Variants in AGMO observed in about 807,000 individuals in gnomAD.
The protein encoded by AGMO is glyceryl-ether monooxygenase.
A neutral mutation model predicts 60.2 loss-of-function variants in AGMO; 75 were observed. That is an observed-to-expected ratio of 1.25 (90% CI 1.03 to 1.51). The LOEUF (loss-of-function observed/expected upper bound fraction) is 1.51, where lower values mean the gene tolerates loss of function less well. Ranked by LOEUF, AGMO falls within the 40% of genes most tolerant of loss-of-function variation. The pLI is 0.00. For synonymous variants in AGMO, 261 were observed against 177.1 expected, an observed-to-expected ratio of 1.47 and a Z score of -3.76; for missense variants, 763 against 525.5, an observed-to-expected ratio of 1.45 and a Z score of -4.42.
intron 12 of AGMO, among the ~76,000 whole-genome samples, chr7:15,274,694 G>GC (rs953017486): frequency 7.0e-6 from 1 of 143,460 alleles, no homozygotes; most frequent in African/African-American, 2.6e-5. Flanking sequence ...CTGGTGATGG[G>GC]CTTTTTTTTT....
At chr7:15,279,389 C>T (rs972917907) in intron 12 of AGMO, among the ~76,000 whole-genome samples, 3 of 152,272 alleles carry the variant, frequency 2.0e-5, no homozygotes, top group Non-Finnish European at 2.9e-5. Flanking sequence ...CATTTACTTG[C>T]TATTTTGATT....
intron 12 of AGMO, among the ~76,000 whole-genome samples, chr7:15,355,136 A>G (rs1434353698): frequency 6.6e-6 from 1 of 152,150 alleles, no homozygotes; most frequent in South Asian, 2.1e-4. Flanking sequence ...AAATGTGAGT[A>G]TCCTCCCCTA....
At chr7:15,446,156 G>C (rs1207023482) in intron 3 of AGMO, among the ~76,000 whole-genome samples, 1 of 152,170 alleles carries the variant, frequency 6.6e-6, no homozygotes, top group Non-Finnish European at 1.5e-5. Context: ...ATGTAGAACA[G>C]TCAAATAACA....
At position 15,377,360 on chromosome 7, in the gene AGMO, T is replaced by C. The variant is rs561416128; in HGVS notation, c.1074+8086A>G. On this transcript the variant is annotated intron_variant, in intron 10 of 12. Coordinates refer to ENST00000342526, the MANE Select transcript of AGMO (RefSeq NM_001004320.2). Reference sequence around the variant, plus strand: ...AACACTTGATATTTCTCTTCGTCAATATATCTACATGAGTTTCTCATATAT... The same window carrying C: ...AACACTTGATATTTCTCTTCGTCAACATATCTACATGAGTTTCTCATATAT... Among the ~76,000 whole-genome samples, 160 of 151,956 alleles carry C rather than the reference T, an allele frequency of 1.1e-3. 1 individual carries two copies. Among genetic ancestry groups the C allele is most frequent in the African/African-American group, 3.7e-3 (154 of 41,292 alleles).
intron 12 of AGMO, among the ~76,000 whole-genome samples, chr7:15,204,765 T>C (rs182569872): frequency 1.5e-4 from 23 of 152,298 alleles, no homozygotes; most frequent in African/African-American, 4.8e-4. Context: ...GTTCATCAAT[T>C]GGCAGGTGGC....
rs180758769 is a variant in AGMO, at chr7:15,495,895, C to T, written c.409+48877G>A. 2.0e-5 allele frequency among the ~76,000 whole-genome samples: 3 copies of T among 151,834 alleles called. No individual in the cohort carries two copies. The East Asian group carries it at 5.9e-4, about 30-fold the overall frequency. On this transcript the variant is annotated intron_variant, in intron 3 of 12. Coordinates refer to ENST00000342526, the MANE Select transcript of AGMO (RefSeq NM_001004320.2). ...TCTCTCTCTCATTCTCTTGCTCTCT[C>T]ACTCTTCCTCTTCTTCTTCTTATAA...
intron 3 of AGMO, among the ~76,000 whole-genome samples, chr7:15,520,574 C>A (rs757176400): frequency 6.6e-6 from 1 of 152,036 alleles, no homozygotes; most frequent in Non-Finnish European, 1.5e-5. Context: ...ACATGGAAAC[C>A]GAACAAGCTG....
At chr7:15,434,049 C>T (rs1473728597) in intron 3 of AGMO, among the ~76,000 whole-genome samples, 2 of 152,042 alleles carry the variant, frequency 1.3e-5, no homozygotes, top group Non-Finnish European at 2.9e-5. Flanking sequence ...TTAATGATTA[C>T]TGCACTCTAG....
At chr7:15,458,706 A>C (rs948530982) in intron 3 of AGMO, among the ~76,000 whole-genome samples, 3 of 152,106 alleles carry the variant, frequency 2.0e-5, no homozygotes, top group Non-Finnish European at 4.4e-5. Flanking sequence ...ACAACTGTTG[A>C]GGGTATTATT....
At chr7:15,555,003 C>T (rs940383600) in intron 2 of AGMO, among the ~76,000 whole-genome samples, 7 of 151,662 alleles carry the variant, frequency 4.6e-5, no homozygotes, top group Non-Finnish European at 7.4e-5. Flanking sequence ...GTAATACTGT[C>T]GTTGAAAACT....
In AGMO at chr7:15,230,935, G is replaced by A. The variant is rs140578821; in HGVS notation, c.1264-29576C>T. ...GAGGGAAGTCATCACTTTCTCTGGT[G>A]TTAAACTCTTGCTTATTCCACTGCA... On this transcript the variant is annotated intron_variant, in intron 12 of 12. Coordinates refer to ENST00000342526, the MANE Select transcript of AGMO (RefSeq NM_001004320.2). 5.4e-3 allele frequency among the ~76,000 whole-genome samples: 828 copies of A among 152,298 alleles called. 5 individuals are homozygous for A. Among genetic ancestry groups the A allele is most frequent in the African/African-American group, 0.019 (778 of 41,570 alleles).
chr7:15,483,717 G>C (rs1782833364), intron 3 of AGMO, among the ~76,000 whole-genome samples: 1 of 152,110 alleles, frequency 6.6e-6, no homozygotes, highest in South Asian at 2.1e-4. Context: ...CCATATTCTA[G>C]ATTGGAAAAC....
chr7:15,152,723 T>A, the AGMO span, among the ~76,000 whole-genome samples: 3 of 152,152 alleles, frequency 2.0e-5, no homozygotes, highest in African/African-American at 7.2e-5. Context: ...ATATACAACA[T>A]TTTCTTTATC....
At chr7:15,306,533 C>T in intron 12 of AGMO, 1 of 467,746 alleles carries the variant, frequency 2.1e-6, no homozygotes. Context: ...TCTCCTTGGC[C>T]TGGAGCCCAA....
the AGMO span, among the ~76,000 whole-genome samples, chr7:15,131,745 G>A: frequency 7.3e-6 from 1 of 136,318 alleles, no homozygotes; most frequent in East Asian, 2.3e-4. Context: ...GGCTTAAAAA[G>A]CCAAAGAAAT....
chr7:15,273,651 C>T (rs553571013), intron 12 of AGMO, among the ~76,000 whole-genome samples: 2 of 152,110 alleles, frequency 1.3e-5, no homozygotes, highest in Non-Finnish European at 2.9e-5. Flanking sequence ...TTTTCCAACT[C>T]TGTGAAGAAA....
intron 12 of AGMO, among the ~76,000 whole-genome samples, chr7:15,270,248 T>C (rs1179575792): frequency 1.3e-5 from 2 of 152,282 alleles, no homozygotes; most frequent in African/African-American, 4.8e-5. Context: ...AGGGTTCCCT[T>C]TTCTCTGCAA....
intron 12 of AGMO, among the ~76,000 whole-genome samples, chr7:15,341,164 C>G (rs1401421959): frequency 6.6e-6 from 1 of 152,132 alleles, no homozygotes; most frequent in Non-Finnish European, 1.5e-5. Flanking sequence ...CTCCTTGTTA[C>G]TTATGCAAAT....
At chr7:15,259,916 A>G (rs1211083098) in intron 12 of AGMO, among the ~76,000 whole-genome samples, 1 of 148,572 alleles carries the variant, frequency 6.7e-6, no homozygotes, top group Non-Finnish European at 1.5e-5. Flanking sequence ...AAAAAAAAAA[A>G]AAAAAAAAAA....
Sources: allele counts gnomAD v4.1 joint callset (sites outside exome capture counted in the v4.1 genomes callset), GRCh38; gene constraint gnomAD v4.1.1; transcripts MANE v1.5; gene names NCBI Gene and HGNC (gene_info 2026-07-23, HGNC 2026-07-21).